Variants in TSHZ2 observed in about 807,000 individuals in gnomAD.
The protein encoded by TSHZ2 is teashirt zinc finger homeobox 2.
In TSHZ2, 21 loss-of-function variants were observed where a neutral mutation model predicts 74.4. The ratio of observed to expected loss-of-function variants is 0.28; its 90% CI spans 0.20 to 0.41. The LOEUF is 0.41. TSHZ2 is among the 10% of genes least tolerant of loss of function. The pLI, the probability that TSHZ2 is intolerant of heterozygous loss-of-function variation, is 1.00. For synonymous variants in TSHZ2, 540 were observed against 515.3 expected, an observed-to-expected ratio of 1.05 and a Z score of -0.65; for missense variants, 1,244 against 1,293.5, an observed-to-expected ratio of 0.96 and a Z score of 0.59.
intron 1 of TSHZ2, among the ~76,000 whole-genome samples, chr20:53,041,336 G>C (rs534677032): frequency 6.6e-6 from 1 of 152,322 alleles, no homozygotes; most frequent in South Asian, 2.1e-4. Flanking sequence ...GCCAAAATCA[G>C]ATTACATCCT....
rs575834447 is a variant in TSHZ2 at position 53,331,471 on chromosome 20, A to G, written c.*8+74900A>G. Among the ~76,000 whole-genome samples the G allele has an allele frequency of 3.9e-5, 6 of 152,212 alleles. No individual in the cohort carries two copies. In the East Asian group the frequency reaches 1.2e-3, roughly 30 times the overall value. ...CAGGGGGAACCAAAATCCTGATACC[A>G]GGTGGCACCGCCAACCATGCACGAC... On this transcript the variant is annotated intron_variant, in intron 2 of 2. Transcript: ENST00000371497.
chr20:53,219,797 C>G (rs531939497), intron 1 of TSHZ2, among the ~76,000 whole-genome samples: 1 of 152,176 alleles, frequency 6.6e-6, no homozygotes, highest in Non-Finnish European at 1.5e-5. Flanking sequence ...ATTGGTGACA[C>G]CTTTTGATTT....
At chr20:53,142,354 A>G (rs561599639) in intron 1 of TSHZ2, among the ~76,000 whole-genome samples, 2 of 152,284 alleles carry the variant, frequency 1.3e-5, no homozygotes, top group South Asian at 2.1e-4. Flanking sequence ...GGAGAACAGA[A>G]GGCCACGTGC....
intron 2 of TSHZ2, among the ~76,000 whole-genome samples, chr20:53,429,100 G>A (rs1983751855): frequency 6.6e-6 from 1 of 152,098 alleles, no homozygotes; most frequent in African/African-American, 2.4e-5. Context: ...TTCTTTCTTA[G>A]AACTAAGTGA....
intron 1 of TSHZ2, among the ~76,000 whole-genome samples, chr20:53,113,376 C>T (rs1469888259): frequency 6.6e-6 from 1 of 152,168 alleles, no homozygotes; most frequent in Non-Finnish European, 1.5e-5. Flanking sequence ...TGCCGTTTAT[C>T]TCCCTGAAAT....
At chr20:53,276,893 G>T (rs1413633632) in intron 2 of TSHZ2, among the ~76,000 whole-genome samples, 2 of 152,216 alleles carry the variant, frequency 1.3e-5, no homozygotes, top group Non-Finnish European at 2.9e-5. Flanking sequence ...CTTTGAGCCT[G>T]TCTGACACTC....
At chr20:53,374,431 G>C (rs900217911) in intron 2 of TSHZ2, among the ~76,000 whole-genome samples, 6 of 152,252 alleles carry the variant, frequency 3.9e-5, no homozygotes, top group East Asian at 1.9e-4. Context: ...TTACCATTGT[G>C]AATAGTGCTC....
At chr20:53,252,343 G>A (rs1218077109) in intron 1 of TSHZ2, among the ~76,000 whole-genome samples, 1 of 152,240 alleles carries the variant, frequency 6.6e-6, no homozygotes, top group African/African-American at 2.4e-5. Context: ...ACCTGCCACA[G>A]AGAGAGGAGA....
intron 1 of TSHZ2, among the ~76,000 whole-genome samples, chr20:53,124,395 G>A (rs1986892224): frequency 6.6e-6 from 1 of 152,202 alleles, no homozygotes; most frequent in South Asian, 2.1e-4. Context: ...CAGTGCTGAT[G>A]CATCTGGAAG....
At chr20:53,474,967 A>G (rs1985946245) in intron 2 of TSHZ2, among the ~76,000 whole-genome samples, 1 of 139,484 alleles carries the variant, frequency 7.2e-6, no homozygotes, top group Non-Finnish European at 1.5e-5. Flanking sequence ...ACTATCCTAA[A>G]TATATATGCA....
chr20:53,013,987 TA>T (rs1193572393), intron 1 of TSHZ2, among the ~76,000 whole-genome samples: 461 of 152,276 alleles, frequency 3.0e-3, no homozygotes, highest in African/African-American at 8.8e-3. Flanking sequence ...GTGGGGATGA[TA>T]TGAAAGTGAA....
intron 1 of TSHZ2, among the ~76,000 whole-genome samples, chr20:53,029,402 G>A (rs371807228): frequency 3.3e-5 from 5 of 152,196 alleles, no homozygotes; most frequent in African/African-American, 7.2e-5. Flanking sequence ...TGGGCTAGGC[G>A]CAGTGGCTCA....
At chr20:53,420,594 C>T (rs1013631811) in intron 2 of TSHZ2, among the ~76,000 whole-genome samples, 4 of 151,946 alleles carry the variant, frequency 2.6e-5, no homozygotes, top group African/African-American at 7.2e-5. Flanking sequence ...GGCTTAGTGG[C>T]GGGCGCCTGT....
chr20:53,012,441 AAC>A (rs1982884516), intron 1 of TSHZ2, among the ~76,000 whole-genome samples: 1 of 152,170 alleles, frequency 6.6e-6, no homozygotes, highest in Non-Finnish European at 1.5e-5. Context: ...GGCCTCTGCC[AAC>A]CCAAATGAAT....
At chr20:53,275,648 C>T (rs1990929859) in intron 2 of TSHZ2, among the ~76,000 whole-genome samples, 1 of 152,142 alleles carries the variant, frequency 6.6e-6, no homozygotes, top group Non-Finnish European at 1.5e-5. Flanking sequence ...AGCATGTTGC[C>T]TGGGCACGCT....
intron 1 of TSHZ2, among the ~76,000 whole-genome samples, chr20:53,243,199 G>T (rs115927752): frequency 2.0e-5 from 3 of 152,034 alleles, no homozygotes; most frequent in African/African-American, 7.2e-5. Flanking sequence ...ATAGGGAATG[G>T]AATTTCAAGG....
At chr20:53,059,928 T>C (rs1419717120) in intron 1 of TSHZ2, among the ~76,000 whole-genome samples, 7 of 152,332 alleles carry the variant, frequency 4.6e-5, no homozygotes, top group African/African-American at 1.7e-4. Flanking sequence ...TCATGACATT[T>C]GCAGATGTAG....
chr20:53,319,894 T>G (rs796658308), intron 2 of TSHZ2, among the ~76,000 whole-genome samples: 2 of 152,306 alleles, frequency 1.3e-5, no homozygotes, highest in African/African-American at 4.8e-5. Context: ...AGAGACTGAT[T>G]ATTACTCTAC....
chr20:53,139,418 T>C lies in TSHZ2; in HGVS notation c.41-114081T>C, dbSNP rs144308697. Among the ~76,000 whole-genome samples the C allele has an allele frequency of 2.0e-3, 312 of 152,318 alleles. 1 individual carries two copies. The highest frequency in any genetic ancestry group is 6.8e-3 in the African/African-American group (281 of 41,568). ...ACTGGGCAAGGTGAGGTGGGAAACC[T>C]CCCACAGAAGGCCCCTTCAAAGCAA... On this transcript the variant is annotated intron_variant, in intron 1 of 2. Transcript: ENST00000371497.
Sources: gnomAD v4.1 joint callset for allele counts (sites outside exome capture counted in the v4.1 genomes callset) on GRCh38, gnomAD v4.1.1 for gene constraint, MANE v1.5 for transcripts, NCBI Gene and HGNC (gene_info 2026-07-23, HGNC 2026-07-21) for gene names.